SLAMF8: variants seen among roughly 807,000 people sequenced by gnomAD.
SLAMF8 encodes the protein SLAM family member 8.
A neutral mutation model predicts 29.0 loss-of-function variants in SLAMF8; 23 were observed. The ratio of observed to expected loss-of-function variants is 0.79; its 90% confidence interval spans 0.57 to 1.13. SLAMF8 has a LOEUF of 1.13. Ranked by LOEUF, SLAMF8 falls within the 50% of genes most tolerant of loss-of-function variation. The pLI, the probability that SLAMF8 is intolerant of heterozygous loss-of-function variation, is 0.00. For missense variants in SLAMF8, 381 were observed against 353.1 expected (o/e 1.08, Z -0.63); for synonymous variants, 139 against 145.6 (o/e 0.96, Z 0.32).
rs746680824 is a variant in SLAMF8 at position 159,827,887 on chromosome 1, T to G, written c.40+949T>G. ...TCTTGCTCTGTCACCCAGGCTGGAATGCAATGGTGCATCTCAGCTCACTGT... is the reference window on the plus strand; with the variant it reads ...TCTTGCTCTGTCACCCAGGCTGGAAGGCAATGGTGCATCTCAGCTCACTGT... On this transcript the variant is annotated intron_variant, in intron 1 of 4. Transcript: ENST00000289707. Among the ~76,000 whole-genome samples, 3 of 152,096 alleles carry G rather than the reference T, an allele frequency of 2.0e-5. No individual in the cohort carries two copies. In the East Asian group the frequency reaches 5.8e-4, roughly 29 times the overall value.
rs530781392 is a variant in SLAMF8, at chr1:159,833,283, A to C, written c.695A>C (p.Lys232Thr). Residue 232 changes from lysine to threonine, a missense_variant, in exon 4 of 5, where the codon AAA becomes ACA. Transcript: ENST00000289707. ...HEAAPGKASY[K>T]DVLLVVVPVS... ...TCAGCACCAGGGAAGGCCTCCTACA[A>C]AGATGTGCTGCTGGTGGTGGTGCCT... is the stretch of plus-strand genomic sequence containing the variant. 1 of 1,614,046 alleles carries C rather than the reference A, an allele frequency of 6.2e-7. No homozygotes were observed. Among genetic ancestry groups the C allele is most frequent in the African/African-American group, 1.3e-5 (1 of 74,998 alleles).
intron 1 of SLAMF8, among the ~76,000 whole-genome samples, chr1:159,828,289 G>A (rs556983403): frequency 1.1e-3 from 157 of 144,160 alleles, no homozygotes; most frequent in African/African-American, 4.4e-3. Context: ...GAGCAGGTAG[G>A]AGCAGCTAGG....
Position 159,835,309 on chromosome 1 carries a change from G to A in SLAMF8, c.*49G>A. On this transcript the variant is annotated 3_prime_UTR_variant, in exon 5 of 5. Coordinates refer to ENST00000289707, the MANE Select transcript of SLAMF8 (RefSeq NM_020125.3). ...GACTATCAGTAACCCCACTGCACAG[G>A]CACACGATGCTCTGGGACATAACTG... 1.3e-6 allele frequency: 2 copies of A among 1,590,938 alleles called. No individual in the cohort carries two copies. The highest frequency in any genetic ancestry group is 1.8e-5 in the Admixed American group (1 of 55,560).
At chr1:159,831,121 A>G (rs1398506262) in intron 2 of SLAMF8, among the ~76,000 whole-genome samples, 1 of 152,230 alleles carries the variant, frequency 6.6e-6, no homozygotes, top group African/African-American at 2.4e-5. Context: ...TTCAGCTCTC[A>G]TTTATCTACC....
intron 4 of SLAMF8, 65 bp from the exon 5 acceptor site, chr1:159,835,119 G>T (rs751719087): frequency 6.6e-7 from 1 of 1,513,424 alleles, no homozygotes; most frequent in Non-Finnish European, 9.1e-7. Context: ...AGGCCTGCAG[G>T]CAGGCCAAGG....
At chr1:159,832,853 C>A (rs1647585075) in intron 2 of SLAMF8, 23 bp from the exon 3 acceptor site, 1 of 1,606,222 alleles carries the variant, frequency 6.2e-7, no homozygotes, top group Non-Finnish European at 8.5e-7. Context: ...GAGACCCATA[C>A]CAGCTGTACT....
intron 3 of SLAMF8, 35 bp downstream of exon 3, chr1:159,833,216 T>A (rs374547107): frequency 5.0e-6 from 8 of 1,614,018 alleles, no homozygotes; most frequent in Non-Finnish European, 6.8e-6. Context: ...GGTTGAGGGC[T>A]TATGAAGCAT....
In SLAMF8 at chr1:159,833,067, A is replaced by T. The variant is rs192400987; in HGVS notation, c.559A>T (p.Ser187Cys). ...CCTCTTCACAGACGGACAGGTGCTGAGCATTTCCCTGGGACCAGGAGACAG... is the reference window on the plus strand; with the variant it reads ...CCTCTTCACAGACGGACAGGTGCTGTGCATTTCCCTGGGACCAGGAGACAG... ...HSLFTDGQVL[S>C]ISLGPGDRDV... Residue 187 changes from serine to cysteine, a missense_variant, in exon 3 of 5, where the codon AGC (serine) becomes TGC (cysteine). Transcript: ENST00000289707. The T allele has an allele frequency of 6.2e-7, 1 of 1,614,170 alleles. No homozygotes were observed. The highest frequency in any genetic ancestry group is 2.2e-5 in the East Asian group (1 of 44,888).
In SLAMF8 at chr1:159,833,057, A is replaced by G; in HGVS notation, c.549A>G (p.Gly183=). Residue 183 remains glycine, a synonymous_variant, in exon 3 of 5, where the codon GGA becomes GGG. Transcript: ENST00000289707. ...GMEPHSLFTD[G]QVLSISLGPG... ...AACCACACAGCCTCTTCACAGACGG[A>G]CAGGTGCTGAGCATTTCCCTGGGAC... is the stretch of plus-strand genomic sequence containing the variant. The G allele has an allele frequency of 6.2e-7, 1 of 1,614,228 alleles. No individual in the cohort carries two copies. Among genetic ancestry groups the G allele is most frequent in the Non-Finnish European group, 8.5e-7 (1 of 1,180,042 alleles).
intron 4 of SLAMF8, 109 bp downstream of exon 4, chr1:159,833,478 C>G: frequency 6.8e-7 from 1 of 1,471,948 alleles, no homozygotes; most frequent in South Asian, 1.2e-5. Flanking sequence ...CCCCTTCCTA[C>G]CTCTCCCACC....
intron 2 of SLAMF8, among the ~76,000 whole-genome samples, chr1:159,830,569 C>A (rs1647421777): frequency 6.6e-6 from 1 of 152,080 alleles, no homozygotes; most frequent in Non-Finnish European, 1.5e-5. Context: ...CAGGACAGAG[C>A]CTGGCCTGTG....
At position 159,836,555 on chromosome 1, in the gene SLAMF8, G is replaced by A; in HGVS notation, c.*1295G>A. The A allele has an allele frequency of 1.0e-6, 1 of 985,448 alleles. No individual in the cohort carries two copies. Among genetic ancestry groups the A allele is most frequent in the Non-Finnish European group, 1.2e-6 (1 of 829,944 alleles). The allele number at this position is 985,448 out of a possible 1,614,324, so 61.0% of individuals were successfully genotyped here. ...CTCAATCCAGTCTTGATAACAGCGA[G>A]GAAAGAGGTATTGAAGAAACAGGGG... On this transcript the variant is annotated 3_prime_UTR_variant, in exon 5 of 5. Coordinates refer to ENST00000289707, the MANE Select transcript of SLAMF8 (RefSeq NM_020125.3).
chr1:159,836,947 G>A lies in SLAMF8; in HGVS notation c.*1687G>A, dbSNP rs763530828. On this transcript the variant is annotated 3_prime_UTR_variant, in exon 5 of 5. Transcript: ENST00000289707. ...CACCTACAGTCAGGCCACATGCCTG[G>A]TCACTGAATCATGCAAAACTGGCCT... 4.0e-5 allele frequency: 39 copies of A among 985,500 alleles called. No homozygotes were observed. Among genetic ancestry groups the A allele is most frequent in the Non-Finnish European group, 4.6e-5 (38 of 829,994 alleles). The allele number at this position is 985,500 out of a possible 1,614,324, so 61.0% of individuals were successfully genotyped here.
At position 159,836,747 on chromosome 1, in the gene SLAMF8, G is replaced by A. The variant is rs139843466; in HGVS notation, c.*1487G>A. 1.3e-5 allele frequency: 13 copies of A among 985,414 alleles called. No homozygotes were observed. The East Asian group carries it at 4.5e-4, about 34-fold the overall frequency. 61.0% of individuals were successfully genotyped at this position (985,414 alleles called of 1,614,324 possible). ...GATCCACATCACCACTCTTCCACTC[G>A]ATTGTTCCCAGATCCTCCCTGCCTG... On this transcript the variant is annotated 3_prime_UTR_variant, in exon 5 of 5. Transcript: ENST00000289707.
chr1:159,832,727 C>T (rs1192969699), intron 2 of SLAMF8, 149 bp from the exon 3 acceptor site: 1 of 788,784 alleles, frequency 1.3e-6, no homozygotes, highest in African/African-American at 1.7e-5. Context: ...CAGCTTCTGT[C>T]CTGTGGGCAG....
intron 2 of SLAMF8, among the ~76,000 whole-genome samples, chr1:159,830,935 C>A (rs981572187): frequency 6.6e-6 from 1 of 152,138 alleles, no homozygotes; most frequent in Non-Finnish European, 1.5e-5. Flanking sequence ...CAGCTGGGTG[C>A]GACTTCTGCT....
chr1:159,835,566 C>G lies in SLAMF8; in HGVS notation c.*306C>G. On this transcript the variant is annotated 3_prime_UTR_variant, in exon 5 of 5. Transcript: ENST00000289707. ...TCTCCAGGATCCAGATCCATGGGGA[C>G]ATTAATAGTCCAAGGCATTCCCTCC... is the stretch of plus-strand genomic sequence containing the variant. 8.8e-7 allele frequency: 1 copy of G among 1,134,352 alleles called. No homozygotes were observed. Among genetic ancestry groups the G allele is most frequent in the Non-Finnish European group, 1.1e-6 (1 of 924,296 alleles). The allele number at this position is 1,134,352 out of a possible 1,614,324, so 70.3% of individuals were successfully genotyped here.
chr1:159,832,932 C>T lies in SLAMF8; in HGVS notation c.424C>T (p.Pro142Ser), dbSNP rs1647596350. Residue 142 changes from proline to serine, a missense_variant, in exon 3 of 5, where the codon CCC (proline) becomes TCC (serine). Pro to Ser is a moderately conservative substitution (Grantham distance 74). Transcript: ENST00000289707. ...VFIAVERDAQ[P>S]SKTCQVFLSC... ...CATTGCTGTAGAAAGGGATGCTCAG[C>T]CCTCCAAGACCTGCCAGGTTTTCTT... 6.2e-7 allele frequency: 1 copy of T among 1,614,226 alleles called. No individual in the cohort carries two copies. The highest frequency in any genetic ancestry group is 1.1e-5 in the South Asian group (1 of 91,084).
At position 159,836,663 on chromosome 1, in the gene SLAMF8, TC is replaced by T. The variant is rs1440115915; in HGVS notation, c.*1407del. The T allele has an allele frequency of 1.0e-6, 1 of 985,280 alleles. No individual in the cohort carries two copies. The highest frequency in any genetic ancestry group is 1.1e-4 in the East Asian group (1 of 8,818). The allele number at this position is 985,280 out of a possible 1,614,324, so 61.0% of individuals were successfully genotyped here. A position where few individuals can be genotyped will look rare whatever the true frequency, so the allele number is the denominator to read the frequency against. On this transcript the variant is annotated 3_prime_UTR_variant, in exon 5 of 5. Transcript: ENST00000289707. ...CCCTGTCCAAGGACCTTCCCTCTTC[TC>T]CCCAGTTCCTGGGCAATCACTTCAC...
Sources: gnomAD v4.1 joint callset for allele counts (sites outside exome capture counted in the v4.1 genomes callset) on GRCh38, gnomAD v4.1.1 for gene constraint, MANE v1.5 for transcripts, NCBI Gene and HGNC (gene_info 2026-07-23, HGNC 2026-07-21) for gene names.